Variants in GLI3 observed in about 807,000 individuals in gnomAD.
The protein encoded by GLI3 is transcription activator GLI3.
In GLI3, 20 loss-of-function variants were observed where a neutral mutation model predicts 100.8. The observed-to-expected ratio is 0.20, with a 90% CI of 0.14 to 0.29. GLI3 has a LOEUF of 0.29. Among genes scored for constraint, GLI3 ranks in the 10% least tolerant of loss-of-function variants. GLI3 has a pLI of 1.00. For missense variants in GLI3, 2,040 were observed against 2,128.5 expected (o/e 0.96, Z 0.82); for synonymous variants, 938 against 860.5 (o/e 1.09, Z -1.58).
At chr7:42,200,328 C>T (rs1474364627) in intron 2 of GLI3, among the ~76,000 whole-genome samples, 1 of 152,130 alleles carries the variant, frequency 6.6e-6, no homozygotes, top group African/African-American at 2.4e-5. Flanking sequence ...CCCAGGTGAA[C>T]AGACAGTGAA....
At chr7:42,236,561 C>G (rs1788799442) in intron 1 of GLI3, among the ~76,000 whole-genome samples, 1 of 152,156 alleles carries the variant, frequency 6.6e-6, no homozygotes, top group Non-Finnish European at 1.5e-5. Context: ...TCCCGAGCGC[C>G]GTGCGCGCCC....
chr7:42,100,149 A>G (rs565615790), intron 3 of GLI3, among the ~76,000 whole-genome samples: 1 of 152,322 alleles, frequency 6.6e-6, no homozygotes, highest in East Asian at 1.9e-4. Context: ...GTATTTTCTC[A>G]CGGAGCTGAA....
chr7:42,076,781 G>A lies in GLI3; in HGVS notation c.444C>T (p.Tyr148=), dbSNP rs142241970. Residue 148 remains tyrosine (Y), a synonymous_variant, in exon 4 of 15, where the codon TAC becomes TAT. Coordinates refer to ENST00000395925, the MANE Select transcript of GLI3 (RefSeq NM_000168.6). Reference sequence around the variant, plus strand: ...GCAATGGAGGAATCGGAGATGGATCGTAATGGTAACGGCCCTCATGATGTC... The same window carrying A: ...GCAATGGAGGAATCGGAGATGGATCATAATGGTAACGGCCCTCATGATGTC... The part of the protein sequence containing the change: ...DARHHEGRYH[Y]DPSPIPPLHM... The A allele has an allele frequency of 3.5e-4, 557 of 1,608,548 alleles. 2 individuals are homozygous for A. In the African/African-American group the frequency reaches 6.3e-3, roughly 18 times the overall value.
chr7:42,126,397 G>GT (rs1235844013), intron 3 of GLI3, among the ~76,000 whole-genome samples: 1 of 152,194 alleles, frequency 6.6e-6, no homozygotes, highest in African/African-American at 2.4e-5. Context: ...GTGATCTAGA[G>GT]TGGTATGATT....
At chr7:42,058,397 C>T (rs1351068213) in intron 4 of GLI3, among the ~76,000 whole-genome samples, 4 of 152,144 alleles carry the variant, frequency 2.6e-5, no homozygotes, top group Admixed American at 2.0e-4. Context: ...CTGTATTATT[C>T]ATCAATAATT....
intron 10 of GLI3, among the ~76,000 whole-genome samples, chr7:41,995,265 T>C (rs2128719644): frequency 6.6e-6 from 1 of 152,292 alleles, no homozygotes; most frequent in East Asian, 1.9e-4. Context: ...CCATGATGGA[T>C]GTGAATCCAT....
chr7:42,256,118 C>A lies in GLI3; in HGVS notation c.-43+7876G>T, dbSNP rs140132905. ...TTTTCATATCTTCTTAGTGAAATTT[C>A]TTTTAAAATATTCTGCCTATTTTTA... On this transcript the variant is annotated intron_variant, in intron 1 of 2. Transcript: ENST00000678978. Among the ~76,000 whole-genome samples, 1,024 of 152,112 alleles carry A rather than the reference C, an allele frequency of 6.7e-3. 10 individuals are homozygous for A. The highest frequency in any genetic ancestry group is 0.023 in the African/African-American group (943 of 41,510).
In GLI3 at chr7:41,968,589, T is replaced by G. The variant is rs539336197; in HGVS notation, c.2104-666A>C. ...CCTCCCTCCTTCCACATTTTCTTGC[T>G]TTTGTAGAACCTCAACCAAGGTGTC... On this transcript the variant is annotated intron_variant, in intron 13 of 14. Transcript: ENST00000395925. Among the ~76,000 whole-genome samples, 451 of 152,072 alleles carry G rather than the reference T, an allele frequency of 3.0e-3. 3 individuals carry two copies. The highest frequency in any genetic ancestry group is 5.5e-3 in the Non-Finnish European group (374 of 68,008).
intron 1 of GLI3, among the ~76,000 whole-genome samples, chr7:42,226,046 T>C (rs946465101): frequency 1.3e-5 from 2 of 152,250 alleles, no homozygotes; most frequent in Admixed American, 1.3e-4. Context: ...ATTCAGTGTT[T>C]CGTTGAAAAC....
intron 2 of GLI3, 53 bp downstream of exon 2, chr7:42,223,077 A>G: frequency 6.2e-7 from 1 of 1,607,360 alleles, no homozygotes. Flanking sequence ...AGGAATGCAG[A>G]GAACACAGAA....
At chr7:42,234,575 A>T (rs1788753813) in intron 1 of GLI3, among the ~76,000 whole-genome samples, 1 of 152,216 alleles carries the variant, frequency 6.6e-6, no homozygotes, top group East Asian at 1.9e-4. Context: ...TATACAATAG[A>T]AATGTGTTTA....
At chr7:42,115,225 A>G (rs1431381008) in intron 3 of GLI3, among the ~76,000 whole-genome samples, 1 of 130,300 alleles carries the variant, frequency 7.7e-6, no homozygotes, top group African/African-American at 3.0e-5. Flanking sequence ...TGCAACTTCC[A>G]TGTCCCAGGT....
intron 2 of GLI3, among the ~76,000 whole-genome samples, chr7:42,162,057 G>A (rs1181038632): frequency 6.6e-6 from 1 of 152,146 alleles, no homozygotes; most frequent in East Asian, 1.9e-4. Flanking sequence ...TGCCCTCAAG[G>A]CCCACATTAC....
At chr7:42,235,140 T>G (rs976392089) in intron 1 of GLI3, among the ~76,000 whole-genome samples, 2 of 152,218 alleles carry the variant, frequency 1.3e-5, no homozygotes, top group Admixed American at 6.5e-5. Flanking sequence ...AGCATTTTCC[T>G]CCTTCAAAAG....
chr7:42,209,820 CTTT>C (rs553838767), intron 2 of GLI3, among the ~76,000 whole-genome samples: 248 of 138,376 alleles, frequency 1.8e-3, no homozygotes, highest in Middle Eastern at 0.011. Context: ...GGTTCTCTCT[CTTT>C]TTTTTTTTTT....
intron 2 of GLI3, among the ~76,000 whole-genome samples, chr7:42,165,179 CAAAAAAA>C (rs113990543): frequency 1.1e-3 from 133 of 120,860 alleles, no homozygotes; most frequent in Middle Eastern, 4.3e-3. Context: ...AAACTGTGTC[CAAAAAAA>C]AAAAAAGAAA....
intron 4 of GLI3, among the ~76,000 whole-genome samples, chr7:42,066,938 C>A (rs1784687286): frequency 6.6e-6 from 1 of 152,156 alleles, no homozygotes; most frequent in Non-Finnish European, 1.5e-5. Flanking sequence ...CTGTCTTTGG[C>A]TGACTAATCC....
At chr7:42,193,844 C>T (rs1274623057) in intron 2 of GLI3, among the ~76,000 whole-genome samples, 2 of 152,184 alleles carry the variant, frequency 1.3e-5, no homozygotes, top group Admixed American at 6.5e-5. Context: ...TAGTTATCCA[C>T]GTTACCTACA....
chr7:42,210,865 A>T lies in GLI3; in HGVS notation c.124+12265T>A, dbSNP rs530260056. ...TTCAATCTAGAAAAACCAACAAACTACCTTGTGCTAAGCCAACACTAGTCA... is the reference window on the plus strand; with the variant it reads ...TTCAATCTAGAAAAACCAACAAACTTCCTTGTGCTAAGCCAACACTAGTCA... On this transcript the variant is annotated intron_variant, in intron 2 of 14. Transcript: ENST00000395925. Among the ~76,000 whole-genome samples, 3 of 152,260 alleles carry T rather than the reference A, an allele frequency of 2.0e-5. No homozygotes were observed. The South Asian group carries it at 6.2e-4, about 32-fold the overall frequency.
Sources: gnomAD v4.1 joint callset for allele counts (sites outside exome capture counted in the v4.1 genomes callset) on GRCh38, gnomAD v4.1.1 for gene constraint, MANE v1.5 for transcripts, NCBI Gene and HGNC (gene_info 2026-07-23, HGNC 2026-07-21) for gene names.